DGKH: variants seen among roughly 807,000 people sequenced by gnomAD.
DGKH encodes diacylglycerol kinase eta.
Under a neutral mutation model 159.3 loss-of-function variants are expected in DGKH, and 90 were observed. The observed-to-expected ratio is 0.57, with a 90% CI of 0.48 to 0.67. The LOEUF (loss-of-function observed/expected upper bound fraction) is 0.67, where lower values mean the gene tolerates loss of function less well. DGKH is among the 30% of genes least tolerant of loss of function. The pLI is 0.00. For synonymous variants in DGKH, 536 were observed against 553.8 expected, an observed-to-expected ratio of 0.97 and a Z score of 0.45; for missense variants, 1,181 against 1,506.1, an observed-to-expected ratio of 0.78 and a Z score of 3.57.
At chr13:42,056,144 T>G (rs1449145969) in intron 1 of DGKH, among the ~76,000 whole-genome samples, 1 of 152,198 alleles carries the variant, frequency 6.6e-6, no homozygotes, top group Non-Finnish European at 1.5e-5. Context: ...GTTAAATGAT[T>G]TTAAAGTGGT....
At chr13:42,041,076 C>T (rs1880470093) in intron 1 of DGKH, among the ~76,000 whole-genome samples, 1 of 152,080 alleles carries the variant, frequency 6.6e-6, no homozygotes, top group South Asian at 2.1e-4. Flanking sequence ...TCCTCCGCCG[C>T]CCGGGCTCCT....
chr13:42,051,382 A>G (rs1881286951), intron 1 of DGKH, among the ~76,000 whole-genome samples: 1 of 152,172 alleles, frequency 6.6e-6, no homozygotes, highest in South Asian at 2.1e-4. Context: ...CTGCAACTGG[A>G]CTGTTCATGT....
intron 1 of DGKH, among the ~76,000 whole-genome samples, chr13:42,064,243 AGAG>A (rs1254414698): frequency 6.6e-6 from 1 of 152,094 alleles, no homozygotes; most frequent in Non-Finnish European, 1.5e-5. Flanking sequence ...ATCAAGATGG[AGAG>A]GGTATGGAGG....
At chr13:42,206,898 G>T (rs554800745) in intron 21 of DGKH, among the ~76,000 whole-genome samples, 2 of 151,818 alleles carry the variant, frequency 1.3e-5, no homozygotes, top group African/African-American at 4.8e-5. Context: ...GGGTTTGGGG[G>T]ATTAGGACAT....
downstream of DGKH, among the ~76,000 whole-genome samples, chr13:42,247,012 A>G (rs1958585636): frequency 6.6e-6 from 1 of 152,172 alleles, no homozygotes; most frequent in Non-Finnish European, 1.5e-5. Context: ...ATTATAATGA[A>G]GCTGAAAACT....
intron 29 of DGKH, among the ~76,000 whole-genome samples, chr13:42,248,801 T>C (rs1237431821): frequency 6.6e-6 from 1 of 152,036 alleles, no homozygotes; most frequent in East Asian, 1.9e-4. Context: ...TACAGGTTTG[T>C]AGCCTAGAAG....
chr13:42,212,341 A>G (rs990371141), intron 24 of DGKH, among the ~76,000 whole-genome samples: 2 of 152,204 alleles, frequency 1.3e-5, no homozygotes, highest in East Asian at 3.9e-4. Context: ...GGCAGCTCAG[A>G]AGAAAGGGAA....
At chr13:42,226,856 CAA>C (rs71202214) in intron 29 of DGKH, among the ~76,000 whole-genome samples, 22 of 132,822 alleles carry the variant, frequency 1.7e-4, no homozygotes, top group South Asian at 7.4e-4. Context: ...GACTCTGTCT[CAA>C]AAAAAAAAAA....
At chr13:42,248,214 G>A (rs1346504142) in intron 29 of DGKH, among the ~76,000 whole-genome samples, 1 of 152,090 alleles carries the variant, frequency 6.6e-6, no homozygotes, top group Admixed American at 6.6e-5. Context: ...TTGAGGCCAG[G>A]AGTTCGAGAC....
Position 42,186,014 on chromosome 13 carries a change from T to TGGTG in DGKH, c.1539-1034_1539-1033insGTGG, listed in dbSNP as rs137995366. On this transcript the variant is annotated intron_variant, in intron 13 of 29. Transcript: ENST00000337343. ...GGGAGGAGTGGTGGTGGTGGTGGTGTGTGTGTGTGTGTGTGTGTGTGTGTG... is the reference window on the plus strand; with the variant it reads ...GGGAGGAGTGGTGGTGGTGGTGGTGTGGTGGTGTGTGTGTGTGTGTGTGTGTGTG... Among the ~76,000 whole-genome samples the TGGTG allele has an allele frequency of 7.2e-4, 34 of 47,490 alleles. No individual in the cohort carries two copies. In the East Asian group the frequency reaches 7.8e-3, roughly 11 times the overall value. The allele number at this position is 47,490 out of a possible 152,430, so 31.2% of individuals were successfully genotyped here. A position where few individuals can be genotyped will look rare whatever the true frequency, so the allele number is the denominator to read the frequency against.
chr13:42,165,726 GTTAA>G (rs1555268988), intron 8 of DGKH, among the ~76,000 whole-genome samples: 1 of 149,088 alleles, frequency 6.7e-6, no homozygotes, highest in Non-Finnish European at 1.5e-5. Context: ...ATCTGAAAAG[GTTAA>G]TTTTTATAAG....
rs1958391312 is a variant in DGKH, at chr13:42,235,344, C to A, written c.*6156C>A. 1 of 152,068 alleles carries A rather than the reference C, an allele frequency of 6.6e-6. No homozygotes were observed. Among genetic ancestry groups the A allele is most frequent in the Non-Finnish European group, 1.5e-5 (1 of 67,972 alleles). 9.4% of individuals were successfully genotyped at this position (152,068 alleles called of 1,614,324 possible). A position where few individuals can be genotyped will look rare whatever the true frequency, so the allele number is the denominator to read the frequency against. On this transcript the variant is annotated 3_prime_UTR_variant, in exon 30 of 30. Transcript: ENST00000337343. ...ATTAAAAACTTCACATAAAATATTT[C>A]ATTTTAGCTACAAGTTATTCATTGC...
At chr13:42,117,791 A>G (rs1403043454) in intron 1 of DGKH, among the ~76,000 whole-genome samples, 1 of 152,210 alleles carries the variant, frequency 6.6e-6, no homozygotes, top group Non-Finnish European at 1.5e-5. Context: ...GAACATCTCT[A>G]AATGCACAAT....
rs573223187 is a variant in DGKH, at chr13:42,049,027, G to A, written c.192+62G>A. The A allele has an allele frequency of 1.4e-5, 17 of 1,223,520 alleles. No homozygotes were observed. In the African/African-American group the frequency reaches 2.7e-4, roughly 19 times the overall value. 75.8% of individuals were successfully genotyped at this position (1,223,520 alleles called of 1,614,324 possible). A position where few individuals can be genotyped will look rare whatever the true frequency, so the allele number is the denominator to read the frequency against. Reference sequence around the variant, plus strand: ...AAGCGGGAGGTGGAGAGGGCGCGGGGGCGCTGGAACGCGCCGGGCGATCCC... The same window carrying A: ...AAGCGGGAGGTGGAGAGGGCGCGGGAGCGCTGGAACGCGCCGGGCGATCCC... On this transcript the variant is annotated intron_variant, in intron 1 of 29. Transcript: ENST00000337343.
intron 13 of DGKH, among the ~76,000 whole-genome samples, chr13:42,180,358 G>T (rs545904889): frequency 6.6e-6 from 1 of 152,262 alleles, no homozygotes; most frequent in East Asian, 1.9e-4. Context: ...CACCTCTCCT[G>T]GGCCAGTCAT....
intron 1 of DGKH, among the ~76,000 whole-genome samples, chr13:42,101,856 T>A (rs1954658302): frequency 6.6e-6 from 1 of 152,100 alleles, no homozygotes; most frequent in African/African-American, 2.4e-5. Context: ...AAAGACTGGA[T>A]CTGTTGTAGA....
intron 26 of DGKH, among the ~76,000 whole-genome samples, chr13:42,218,036 AATCATCATCATC>A (rs374568018): frequency 6.6e-6 from 1 of 151,838 alleles, no homozygotes; most frequent in African/African-American, 2.4e-5. Flanking sequence ...CTCTGTCTCA[AATCATCATCATC>A]ATCATCATCA....
At chr13:42,114,201 G>T (rs2137809004) in intron 1 of DGKH, among the ~76,000 whole-genome samples, 1 of 152,224 alleles carries the variant, frequency 6.6e-6, no homozygotes, top group South Asian at 2.1e-4. Context: ...ATAGACAACA[G>T]CTAATTGCTT....
At chr13:42,059,199 A>T (rs1313117177) in intron 1 of DGKH, among the ~76,000 whole-genome samples, 2 of 151,916 alleles carry the variant, frequency 1.3e-5, no homozygotes, top group African/African-American at 4.8e-5. Flanking sequence ...ACATAATTTA[A>T]TCTGTGGTGT....
Sources: allele counts gnomAD v4.1 joint callset (sites outside exome capture counted in the v4.1 genomes callset), GRCh38; gene constraint gnomAD v4.1.1; transcripts MANE v1.5; gene names NCBI Gene and HGNC (gene_info 2026-07-23, HGNC 2026-07-21).